Variants in C8orf34 observed in about 807,000 individuals in gnomAD.
C8orf34 encodes chromosome 8 open reading frame 34.
Under a neutral mutation model 68.3 loss-of-function variants are expected in C8orf34, and 65 were observed. That is an observed-to-expected ratio of 0.95 (90% CI 0.78 to 1.17). The LOEUF is 1.17. C8orf34 is among the 50% of genes most tolerant of loss of function. The pLI is 0.00. For missense variants in C8orf34, 664 were observed against 655.4 expected, an observed-to-expected ratio of 1.01 and a Z score of -0.14; for synonymous variants, 244 against 241.2, an observed-to-expected ratio of 1.01 and a Z score of -0.11.
At chr8:68,673,860 G>A (rs532283989) in intron 8 of C8orf34, among the ~76,000 whole-genome samples, 10 of 152,222 alleles carry the variant, frequency 6.6e-5, no homozygotes, top group East Asian at 3.9e-4. Flanking sequence ...CGTCTGACTC[G>A]GCACAGTCCC....
chr8:68,522,026 GA>G lies in C8orf34; in HGVS notation c.938+59del. On this transcript the variant is annotated intron_variant, in intron 6 of 13. Transcript: ENST00000518698. ...ATTACTAGTCATTAAAAGGTAAAGG[GA>G]AAATAAACCCAAGTTCATGGTTTTT... The G allele has an allele frequency of 2.0e-6, 3 of 1,478,962 alleles. No individual in the cohort carries two copies. The South Asian group carries it at 3.8e-5, about 19-fold the overall frequency. 91.6% of individuals were successfully genotyped at this position (1,478,962 alleles called of 1,614,324 possible).
At chr8:68,817,444 C>G (rs1350501330) in intron 13 of C8orf34, among the ~76,000 whole-genome samples, 1 of 152,134 alleles carries the variant, frequency 6.6e-6, no homozygotes, top group Non-Finnish European at 1.5e-5. Context: ...TTCTCTTCCT[C>G]TCTAACTTTT....
intron 8 of C8orf34, among the ~76,000 whole-genome samples, chr8:68,678,926 A>G (rs1239047443): frequency 6.6e-6 from 1 of 152,102 alleles, no homozygotes; most frequent in African/African-American, 2.4e-5. Flanking sequence ...TACAAAATCA[A>G]CAAACAAAAA....
In C8orf34 at chr8:68,640,508, C is replaced by T. The variant is rs1356047714; in HGVS notation, c.1238C>T (p.Ala413Val). The change falls in exon 8 of 14, where the codon GCC (alanine) becomes GTC (valine). Residue 413 changes from alanine to valine, a missense_variant. Coordinates refer to ENST00000518698, the MANE Select transcript of C8orf34 (RefSeq NM_052958.4). ...ACACTGAACATCTGTTCAAGGTGTG[C>T]CAGGTAAAAGACATAATAGGTATAG... is the stretch of plus-strand genomic sequence containing the variant. ...KVTLNICSRC[A>V]RLQGDNLEER... 1 of 1,612,670 alleles carries T rather than the reference C, an allele frequency of 6.2e-7. No individual in the cohort carries two copies. The highest frequency in any genetic ancestry group is 1.7e-5 in the Admixed American group (1 of 59,744).
chr8:68,792,878 AGTGT>A (rs1374210031), intron 12 of C8orf34, among the ~76,000 whole-genome samples: 1 of 151,352 alleles, frequency 6.6e-6, no homozygotes, highest in African/African-American at 2.4e-5. Context: ...TGTGTGTATG[AGTGT>A]GTGTGTGTAT....
chr8:68,393,886 A>G (rs1426630914), intron 1 of C8orf34, among the ~76,000 whole-genome samples: 1 of 152,146 alleles, frequency 6.6e-6, no homozygotes, highest in Admixed American at 6.6e-5. Flanking sequence ...ACCTGTTAGC[A>G]GGGCCTTACA....
intron 7 of C8orf34, among the ~76,000 whole-genome samples, chr8:68,610,840 T>C (rs1817994786): frequency 6.6e-6 from 1 of 151,168 alleles, no homozygotes. Flanking sequence ...ATTCATGTTT[T>C]CTGGTTACAG....
In C8orf34 at chr8:68,331,292, C is replaced by G. The variant is rs1474297080; in HGVS notation, c.280C>G (p.Arg94Gly). 6.5e-7 allele frequency: 1 copy of G among 1,536,486 alleles called. No individual in the cohort carries two copies. The highest frequency in any genetic ancestry group is 2.0e-5 in the Admixed American group (1 of 51,008). The change falls in exon 1 of 14, where the codon CGG (arginine) becomes GGG (glycine). Residue 94 changes from arginine to glycine, a missense_variant. Transcript: ENST00000518698. Reference sequence around the variant, plus strand: ...CCCCATGGCGTCTCATCCGCAAACCCGGATCCAGGCTTACCTGGAGAAGAA... The same window carrying G: ...CCCCATGGCGTCTCATCCGCAAACCGGGATCCAGGCTTACCTGGAGAAGAA... ...LFPMASHPQT[R>G]IQAYLEKNKI...
At chr8:68,568,074 G>C (rs973483756) in intron 7 of C8orf34, among the ~76,000 whole-genome samples, 1 of 152,080 alleles carries the variant, frequency 6.6e-6, no homozygotes, top group Non-Finnish European at 1.5e-5. Flanking sequence ...TGGGGGAGCA[G>C]TTGGAACACA....
chr8:68,656,747 G>T (rs1054399074), intron 8 of C8orf34, among the ~76,000 whole-genome samples: 2 of 152,070 alleles, frequency 1.3e-5, no homozygotes, highest in African/African-American at 4.8e-5. Context: ...CCCAGTCCCT[G>T]GAGACCCTGG....
At chr8:68,540,187 A>G (rs1815646968) in intron 7 of C8orf34, among the ~76,000 whole-genome samples, 1 of 151,956 alleles carries the variant, frequency 6.6e-6, no homozygotes, top group African/African-American at 2.4e-5. Flanking sequence ...AAAGAACAAA[A>G]TGGAAAAAAT....
intron 8 of C8orf34, chr8:68,695,562 A>C (rs886520118): frequency 3.3e-5 from 5 of 152,186 alleles, no homozygotes; most frequent in African/African-American, 1.2e-4. Context: ...GGGCTACTGA[A>C]ATACAGAGAG....
At chr8:68,790,635 A>C (rs1171071366) in intron 12 of C8orf34, among the ~76,000 whole-genome samples, 1 of 151,888 alleles carries the variant, frequency 6.6e-6, no homozygotes, top group East Asian at 1.9e-4. Context: ...GATTAAATAG[A>C]TTTTTTTCTT....
At chr8:68,500,718 A>G (rs1463230386) in intron 5 of C8orf34, among the ~76,000 whole-genome samples, 2 of 152,208 alleles carry the variant, frequency 1.3e-5, no homozygotes, top group African/African-American at 2.4e-5. Context: ...CAACCAAAAT[A>G]GTAATTCAAA....
intron 11 of C8orf34, among the ~76,000 whole-genome samples, chr8:68,780,499 A>G (rs1823644764): frequency 6.6e-6 from 1 of 152,184 alleles, no homozygotes; most frequent in Admixed American, 6.5e-5. Context: ...AACCTACTGT[A>G]CTTTTCTGAC....
At chr8:68,719,541 A>G (rs181308668) in intron 9 of C8orf34, among the ~76,000 whole-genome samples, 25 of 152,164 alleles carry the variant, frequency 1.6e-4, no homozygotes, top group Non-Finnish European at 3.5e-4. Context: ...TTATTTTAAA[A>G]GCACCTAATA....
At chr8:68,380,225 A>G (rs572022938) in intron 1 of C8orf34, among the ~76,000 whole-genome samples, 25 of 152,330 alleles carry the variant, frequency 1.6e-4, no homozygotes, top group African/African-American at 6.0e-4. Context: ...GAAGCCATTA[A>G]GACTCTAAAT....
intron 7 of C8orf34, among the ~76,000 whole-genome samples, chr8:68,558,933 T>C (rs931150168): frequency 3.3e-5 from 5 of 152,074 alleles, no homozygotes; most frequent in African/African-American, 1.2e-4. Flanking sequence ...AAGTAAGACA[T>C]GCAGGGGAGA....
chr8:68,480,617 A>G (rs1426035574), intron 4 of C8orf34, among the ~76,000 whole-genome samples: 1 of 152,202 alleles, frequency 6.6e-6, no homozygotes, highest in Non-Finnish European at 1.5e-5. Flanking sequence ...GATATGAACA[A>G]TAAGGTCCAG....
Sources: gnomAD v4.1 joint callset for allele counts (sites outside exome capture counted in the v4.1 genomes callset) on GRCh38, gnomAD v4.1.1 for gene constraint, MANE v1.5 for transcripts, NCBI Gene and HGNC (gene_info 2026-07-23, HGNC 2026-07-21) for gene names.